Variants in PSMD1 observed in about 807,000 individuals in gnomAD.
PSMD1 encodes the protein proteasome 26S subunit, non-ATPase 1.
In PSMD1, 18 loss-of-function variants were observed where a neutral mutation model predicts 119.0. The ratio of observed to expected loss-of-function variants is 0.15; its 90% CI spans 0.10 to 0.22. PSMD1 has a LOEUF of 0.22. Ranked by LOEUF, PSMD1 falls within the 10% of genes least tolerant of loss-of-function variation. The pLI is 1.00. For missense variants in PSMD1, 702 were observed against 1,158.5 expected, an observed-to-expected ratio of 0.61 and a Z score of 5.72; for synonymous variants, 374 against 396.6, an observed-to-expected ratio of 0.94 and a Z score of 0.68.
At chr2:231,109,857 A>C (rs1217222257) in intron 16 of PSMD1, among the ~76,000 whole-genome samples, 1 of 152,154 alleles carries the variant, frequency 6.6e-6, no homozygotes, top group East Asian at 1.9e-4. Context: ...TTTGTCTTTG[A>C]GGTTACAGTT....
Position 231,057,009 on chromosome 2 carries a change from G to A in PSMD1, c.-17G>A. 2 of 1,539,974 alleles carry A rather than the reference G, an allele frequency of 1.3e-6. No individual in the cohort carries two copies. The highest frequency in any genetic ancestry group is 5.0e-5 in the East Asian group (2 of 39,840). ...TGGAACGGCGAGCGAGCCGACGGGC[G>A]AGTGAGGGGCGCAGCCATGATCACC... On this transcript the variant is annotated 5_prime_UTR_variant, in exon 1 of 25. Coordinates refer to ENST00000308696, the MANE Select transcript of PSMD1 (RefSeq NM_002807.4).
At position 231,057,051 on chromosome 2, in the gene PSMD1, G is replaced by A; in HGVS notation, c.16+10G>A. 1 of 1,521,942 alleles carries A rather than the reference G, an allele frequency of 6.6e-7. No homozygotes were observed. The allele number at this position is 1,521,942 out of a possible 1,614,324, so 94.3% of individuals were successfully genotyped here. The stretch of plus-strand genomic sequence containing the variant: ...ATGATCACCTCGGCCGGTGAGTGCG[G>A]CCCGTAGCCAGCGCCTGGAGGGAGG... On this transcript the variant is annotated intron_variant, in intron 1 of 24. Transcript: ENST00000308696.
At chr2:231,061,558 CT>C (rs1422121746) in intron 2 of PSMD1, among the ~76,000 whole-genome samples, 1 of 151,848 alleles carries the variant, frequency 6.6e-6, no homozygotes, top group African/African-American at 2.4e-5. Flanking sequence ...TCTTTTTTTT[CT>C]TTTTTTAATC....
intron 18 of PSMD1, among the ~76,000 whole-genome samples, chr2:231,147,603 A>G (rs577160218): frequency 6.6e-6 from 1 of 152,350 alleles, no homozygotes; most frequent in Non-Finnish European, 1.5e-5. Context: ...CATTCTACTA[A>G]GAAACAGAAA....
Position 231,133,285 on chromosome 2 carries a change from A to G in PSMD1, c.1884-5451A>G, listed in dbSNP as rs147723798. ...GTTTTTGTAGAGACGGGGTTTCACCATGTTAGCCAGGCTAGTCACGAAATC... is the reference window on the plus strand; with the variant it reads ...GTTTTTGTAGAGACGGGGTTTCACCGTGTTAGCCAGGCTAGTCACGAAATC... On this transcript the variant is annotated intron_variant, in intron 16 of 24. Coordinates refer to ENST00000308696, the MANE Select transcript of PSMD1 (RefSeq NM_002807.4). 5.3e-5 allele frequency among the ~76,000 whole-genome samples: 8 copies of G among 152,244 alleles called. No homozygotes were observed. The East Asian group carries it at 1.4e-3, about 26-fold the overall frequency.
At chr2:231,149,988 A>G (rs1696336512) in intron 18 of PSMD1, among the ~76,000 whole-genome samples, 1 of 152,314 alleles carries the variant, frequency 6.6e-6, no homozygotes, top group East Asian at 1.9e-4. Context: ...GTCATTGGAA[A>G]CAACATGGGA....
intron 16 of PSMD1, among the ~76,000 whole-genome samples, chr2:231,130,143 G>A (rs1027279229): frequency 1.3e-5 from 2 of 152,162 alleles, no homozygotes; most frequent in Non-Finnish European, 2.9e-5. Flanking sequence ...ATTATTACAA[G>A]TTGTATGAAC....
At chr2:231,115,164 G>A (rs1052549540) in intron 16 of PSMD1, among the ~76,000 whole-genome samples, 2 of 151,898 alleles carry the variant, frequency 1.3e-5, no homozygotes, top group Non-Finnish European at 2.9e-5. Context: ...GGAGCCTGGG[G>A]GTGGAGAGAG....
chr2:231,117,209 GTTTAT>G (rs1250858772), intron 16 of PSMD1, among the ~76,000 whole-genome samples: 8 of 151,890 alleles, frequency 5.3e-5, no homozygotes, highest in Non-Finnish European at 1.0e-4. Context: ...ATTTCAAAAC[GTTTAT>G]TTTAGGAGTT....
In PSMD1 at chr2:231,079,522, A is replaced by G. The variant is rs759617169; in HGVS notation, c.1161-14A>G. The G allele has an allele frequency of 1.7e-5, 26 of 1,561,888 alleles. No homozygotes were observed. The South Asian group carries it at 1.8e-4, about 11-fold the overall frequency. ...GTTTTAACACTAATTAAAATACATC[A>G]TCTTTTTTTACAGAGATAATTTGGA... On this transcript the variant is annotated splice_polypyrimidine_tract_variant and intron_variant, in intron 10 of 24. Transcript: ENST00000308696.
At chr2:231,150,328 CA>C (rs1696345595) in intron 18 of PSMD1, among the ~76,000 whole-genome samples, 1 of 149,718 alleles carries the variant, frequency 6.7e-6, no homozygotes, top group Non-Finnish European at 1.5e-5. Flanking sequence ...GCTTGGGCGA[CA>C]CAGTGAGGCT....
rs567360247 is a variant in PSMD1, at chr2:231,143,608, T to G, written c.1999-2632T>G. Among the ~76,000 whole-genome samples, 3 of 152,366 alleles carry G rather than the reference T, an allele frequency of 2.0e-5. No homozygotes were observed. In the East Asian group the frequency reaches 5.8e-4, roughly 29 times the overall value. On this transcript the variant is annotated intron_variant, in intron 17 of 24. Transcript: ENST00000308696. ...AAGTTATACGGGGCAAAAGAGTTTT[T>G]GATCAAATACATTGGACAAATGCTG...
chr2:231,122,563 T>C (rs1695581603), intron 16 of PSMD1, among the ~76,000 whole-genome samples: 1 of 152,158 alleles, frequency 6.6e-6, no homozygotes, highest in South Asian at 2.1e-4. Context: ...TTAATGCTGA[T>C]TCCAAGGGTC....
intron 4 of PSMD1, among the ~76,000 whole-genome samples, chr2:231,064,722 A>G (rs1343877274): frequency 1.3e-5 from 2 of 152,032 alleles, no homozygotes; most frequent in African/African-American, 4.8e-5. Flanking sequence ...CTGGAGTGCA[A>G]TGGCACGATC....
intron 15 of PSMD1, among the ~76,000 whole-genome samples, 163 bp downstream of exon 15, chr2:231,085,277 A>T (rs1694404525): frequency 6.6e-6 from 1 of 152,326 alleles, no homozygotes; most frequent in Admixed American, 6.5e-5. Context: ...CTAGCACTAG[A>T]TTCACTTAGC....
chr2:231,091,792 A>C (rs1694602917), intron 16 of PSMD1, among the ~76,000 whole-genome samples: 1 of 152,032 alleles, frequency 6.6e-6, no homozygotes, highest in Admixed American at 6.5e-5. Flanking sequence ...ATTATCATAT[A>C]AGGTTCCCCA....
At chr2:231,154,173 T>C (rs1696433112) in intron 19 of PSMD1, among the ~76,000 whole-genome samples, 2 of 152,038 alleles carry the variant, frequency 1.3e-5, no homozygotes, top group African/African-American at 4.8e-5. Flanking sequence ...GGCTCATGTC[T>C]GTAATCCCAG....
intron 16 of PSMD1, among the ~76,000 whole-genome samples, chr2:231,138,206 A>AAAG (rs1696017116): frequency 3.3e-5 from 5 of 152,210 alleles, no homozygotes. Flanking sequence ...TTCTCTTCTT[A>AAAG]CCAACACAAA....
At chr2:231,116,203 A>G (rs1164278954) in intron 16 of PSMD1, among the ~76,000 whole-genome samples, 4 of 152,194 alleles carry the variant, frequency 2.6e-5, no homozygotes, top group African/African-American at 9.7e-5. Context: ...GCGAACTAAC[A>G]GTCTAAGTAT....
Sources: allele counts gnomAD v4.1 joint callset (sites outside exome capture counted in the v4.1 genomes callset), GRCh38; gene constraint gnomAD v4.1.1; transcripts MANE v1.5; gene names NCBI Gene and HGNC (gene_info 2026-07-23, HGNC 2026-07-21).